TLK1: variants seen among roughly 807,000 people sequenced by gnomAD.
The protein encoded by TLK1 is serine/threonine-protein kinase tousled-like 1.
A neutral mutation model predicts 105.3 loss-of-function variants in TLK1; 24 were observed. The ratio of observed to expected loss-of-function variants is 0.23; its 90% CI spans 0.17 to 0.32. The LOEUF (loss-of-function observed/expected upper bound fraction) is 0.32. TLK1 is among the 10% of genes least tolerant of loss of function. TLK1 has a pLI of 1.00. For missense variants in TLK1, 558 were observed against 910.5 expected (o/e 0.61, Z 4.98); for synonymous variants, 321 against 310.4 (o/e 1.03, Z -0.36).
intron 7 of TLK1, 56 bp from the exon 8 acceptor site, chr2:171,053,909 CATA>C (rs1687370519): frequency 7.9e-7 from 1 of 1,273,846 alleles, no homozygotes; most frequent in Non-Finnish European, 1.1e-6. Flanking sequence ...TTCAAGCAAA[CATA>C]AAACTAGATT....
intron 1 of TLK1, among the ~76,000 whole-genome samples, chr2:171,150,438 C>T (rs1055598654): frequency 6.6e-6 from 1 of 152,182 alleles, no homozygotes; most frequent in African/African-American, 2.4e-5. Flanking sequence ...TACACCTCAT[C>T]CAATTCATGT....
intron 2 of TLK1, among the ~76,000 whole-genome samples, chr2:171,104,105 G>A (rs764103528): frequency 3.7e-4 from 56 of 151,812 alleles, no homozygotes; most frequent in African/African-American, 1.4e-3. Flanking sequence ...GTGAAATGCC[G>A]TCTCTACTAA....
chr2:171,021,419 C>A (rs970074608), intron 12 of TLK1, among the ~76,000 whole-genome samples: 6 of 149,380 alleles, frequency 4.0e-5, no homozygotes, highest in African/African-American at 1.3e-4. Flanking sequence ...TTCTTTCCTG[C>A]TTTCCCGCCC....
rs911935424 is a variant in TLK1 at position 171,139,159 on chromosome 2, GAT to G, written c.139+21129_139+21130del. ...AAAATACCCAGCATTAAAGGAATAG[GAT>G]ATATATATACACACACATATTATAT... is the stretch of plus-strand genomic sequence containing the variant. On this transcript the variant is annotated intron_variant, in intron 1 of 20. Transcript: ENST00000431350. Among the ~76,000 whole-genome samples, 5 of 152,078 alleles carry G rather than the reference GAT, an allele frequency of 3.3e-5. No individual in the cohort carries two copies. In the East Asian group the frequency reaches 7.7e-4, roughly 23 times the overall value.
At chr2:171,207,942 G>A (rs1035085069) in intron 1 of TLK1, among the ~76,000 whole-genome samples, 3 of 151,996 alleles carry the variant, frequency 2.0e-5, no homozygotes, top group Non-Finnish European at 2.9e-5. Flanking sequence ...GGTCAGGCTG[G>A]TCTCGAACTC....
At chr2:171,219,161 G>C (rs372796739) in intron 1 of TLK1, among the ~76,000 whole-genome samples, 58 of 152,124 alleles carry the variant, frequency 3.8e-4, no homozygotes, top group African/African-American at 1.3e-3. Context: ...TTTTCTTTCA[G>C]TTCTGGAGAC....
chr2:171,130,261 G>T (rs1451912353), intron 1 of TLK1, among the ~76,000 whole-genome samples: 1 of 152,166 alleles, frequency 6.6e-6, no homozygotes, highest in Non-Finnish European at 1.5e-5. Context: ...AATTAGCTGG[G>T]CGTGGTGGCA....
At chr2:170,994,807 C>A in intron 20 of TLK1, 2 of 427,368 alleles carry the variant, frequency 4.7e-6, no homozygotes, top group Non-Finnish European at 9.4e-6. Flanking sequence ...TTCTCCTTTG[C>A]CAGGCCTCTT....
rs1330886162 is a variant in TLK1 at position 171,172,429 on chromosome 2, A to G, written c.-5-54572T>C. On this transcript the variant is annotated intron_variant, in intron 1 of 20. Coordinates refer to the TLK1 transcript ENST00000521943. Reference sequence around the variant, plus strand: ...TAAAATGTTTAACAAATACAATAAAAATATAGACACACCACACACACAATA... The same window carrying G: ...TAAAATGTTTAACAAATACAATAAAGATATAGACACACCACACACACAATA... 2.6e-5 allele frequency among the ~76,000 whole-genome samples: 4 copies of G among 152,200 alleles called. No homozygotes were observed. In the East Asian group the frequency reaches 5.8e-4, roughly 22 times the overall value.
chr2:171,197,996 G>T (rs1367015892), intron 1 of TLK1, among the ~76,000 whole-genome samples: 1 of 152,152 alleles, frequency 6.6e-6, no homozygotes, highest in East Asian at 1.9e-4. Flanking sequence ...GGATAGACAT[G>T]ATGTGTCCAT....
chr2:171,123,895 A>G (rs1385965265), intron 1 of TLK1, among the ~76,000 whole-genome samples: 2 of 145,394 alleles, frequency 1.4e-5, no homozygotes, highest in African/African-American at 5.1e-5. Context: ...ACAGAAACAG[A>G]TATTGCCAAA....
At chr2:171,221,254 G>A (rs1693805179) in intron 1 of TLK1, among the ~76,000 whole-genome samples, 1 of 152,020 alleles carries the variant, frequency 6.6e-6, no homozygotes, top group Non-Finnish European at 1.5e-5. Context: ...TGGTAACGGT[G>A]GCCCACTTTT....
intron 4 of TLK1, chr2:171,060,014 T>C (rs377438474): frequency 1.4e-4 from 225 of 1,611,678 alleles, no homozygotes; most frequent in Non-Finnish European, 1.7e-4. Context: ...AGAGGTCTGC[T>C]TTGGACTTGA....
chr2:171,131,403 C>T (rs1165676444), intron 1 of TLK1, among the ~76,000 whole-genome samples: 3 of 152,140 alleles, frequency 2.0e-5, no homozygotes, highest in African/African-American at 7.2e-5. Context: ...TTGTGGGTCA[C>T]ATCATTCTCG....
chr2:171,002,920 G>T (rs994920022), intron 18 of TLK1, among the ~76,000 whole-genome samples: 1 of 152,088 alleles, frequency 6.6e-6, no homozygotes, highest in Non-Finnish European at 1.5e-5. Context: ...TGGGATTACA[G>T]GCATGAGCCA....
intron 1 of TLK1, among the ~76,000 whole-genome samples, chr2:171,177,849 A>T (rs950175309): frequency 2.0e-5 from 3 of 152,130 alleles, no homozygotes; most frequent in Non-Finnish European, 4.4e-5. Context: ...GCTGGAGTGA[A>T]ATGGCGTGAT....
At chr2:171,171,962 C>T (rs1203498982) in intron 1 of TLK1, among the ~76,000 whole-genome samples, 3 of 152,178 alleles carry the variant, frequency 2.0e-5, no homozygotes, top group Non-Finnish European at 4.4e-5. Context: ...ATCAAAAGCA[C>T]ATGTACAAGA....
intron 2 of TLK1, among the ~76,000 whole-genome samples, chr2:171,094,670 G>A (rs1044685775): frequency 6.6e-6 from 1 of 152,086 alleles, no homozygotes; most frequent in Admixed American, 6.6e-5. Flanking sequence ...GTGCAATGGC[G>A]TGATCTCGGC....
chr2:171,229,834 G>A (rs1693961592), intron 1 of TLK1, among the ~76,000 whole-genome samples: 1 of 152,156 alleles, frequency 6.6e-6, no homozygotes, highest in East Asian at 1.9e-4. Context: ...TCATTGGCAT[G>A]GCGAGTTAGC....
Sources: allele counts gnomAD v4.1 joint callset (sites outside exome capture counted in the v4.1 genomes callset), GRCh38; gene constraint gnomAD v4.1.1; transcripts MANE v1.5; gene names NCBI Gene and HGNC (gene_info 2026-07-23, HGNC 2026-07-21).